Variants in NKAIN3 observed in about 807,000 individuals in gnomAD.
NKAIN3 encodes the protein sodium/potassium transporting ATPase interacting 3.
A neutral mutation model predicts 30.2 loss-of-function variants in NKAIN3; 25 were observed. The ratio of observed to expected loss-of-function variants is 0.83; its 90% CI spans 0.60 to 1.16. NKAIN3 has a LOEUF of 1.16. NKAIN3 is among the 50% of genes most tolerant of loss of function. The pLI, the probability that NKAIN3 is intolerant of heterozygous loss-of-function variation, is 0.00. For missense variants in NKAIN3, 225 were observed against 254.1 expected (o/e 0.89, Z 0.78); for synonymous variants, 91 against 89.6 (o/e 1.02, Z -0.09).
At chr8:62,342,235 C>CAAAAAAAAAAAAAA (rs3058285) in intron 1 of NKAIN3, among the ~76,000 whole-genome samples, 30 of 124,732 alleles carry the variant, frequency 2.4e-4, no homozygotes, top group African/African-American at 9.6e-4. Context: ...ACCACTGAAC[C>CAAAAAAAAAAAAAA]AAAAAAAAAA....
intron 3 of NKAIN3, among the ~76,000 whole-genome samples, chr8:62,596,091 G>T (rs1215151274): frequency 2.0e-5 from 3 of 151,880 alleles, no homozygotes; most frequent in African/African-American, 7.3e-5. Context: ...CCATCTGATG[G>T]GTACTATCAA....
At chr8:62,320,351 A>T (rs904059984) in intron 1 of NKAIN3, among the ~76,000 whole-genome samples, 1 of 152,046 alleles carries the variant, frequency 6.6e-6, no homozygotes, top group Non-Finnish European at 1.5e-5. Flanking sequence ...TAATATTGTT[A>T]TGTGTGTATT....
intron 6 of NKAIN3, among the ~76,000 whole-genome samples, chr8:62,956,891 G>A (rs1258474497): frequency 1.3e-5 from 2 of 152,184 alleles, no homozygotes. Context: ...GCGGGAGGGG[G>A]AATGGTTAAC....
intron 4 of NKAIN3, among the ~76,000 whole-genome samples, chr8:62,847,402 T>C (rs189462927): frequency 5.8e-4 from 88 of 152,294 alleles, no homozygotes; most frequent in South Asian, 2.5e-3. Flanking sequence ...TGGTATTTCA[T>C]TGCGGTTTTG....
intron 3 of NKAIN3, among the ~76,000 whole-genome samples, chr8:62,597,123 A>G (rs905683839): frequency 6.6e-6 from 1 of 152,050 alleles, no homozygotes; most frequent in Non-Finnish European, 1.5e-5. Flanking sequence ...CAGTTTCCTT[A>G]CTCAGGTATG....
At chr8:62,314,737 C>T (rs955591898) in intron 1 of NKAIN3, among the ~76,000 whole-genome samples, 40 of 152,134 alleles carry the variant, frequency 2.6e-4, no homozygotes, top group African/African-American at 7.2e-4. Flanking sequence ...GTGGTGTTTA[C>T]GTCTTTCTGA....
intron 4 of NKAIN3, chr8:62,856,888 C>T (rs970837799): frequency 5.1e-6 from 3 of 586,734 alleles, no homozygotes; most frequent in Admixed American, 2.3e-5. Context: ...ACTTTGGATA[C>T]ACTGGATGCT....
chr8:62,345,801 C>T (rs1815985794), intron 1 of NKAIN3, among the ~76,000 whole-genome samples: 1 of 151,662 alleles, frequency 6.6e-6, no homozygotes, highest in Non-Finnish European at 1.5e-5. Context: ...ACTTCCATTA[C>T]TGTGTTGAAG....
intron 1 of NKAIN3, among the ~76,000 whole-genome samples, chr8:62,267,381 T>C (rs1305647646): frequency 6.6e-6 from 1 of 152,204 alleles, no homozygotes; most frequent in East Asian, 1.9e-4. Context: ...TGGTAAAATT[T>C]CAGTGTTTTT....
At chr8:62,906,058 C>G (rs572278951) in intron 4 of NKAIN3, among the ~76,000 whole-genome samples, 1 of 152,274 alleles carries the variant, frequency 6.6e-6, no homozygotes, top group African/African-American at 2.4e-5. Context: ...GAAAACAGCA[C>G]AGAATTTCCT....
chr8:62,854,251 C>A (rs1294261212), intron 4 of NKAIN3, among the ~76,000 whole-genome samples: 1 of 152,136 alleles, frequency 6.6e-6, no homozygotes, highest in Non-Finnish European at 1.5e-5. Flanking sequence ...CCCTGAATAT[C>A]TTTGTTAATG....
chr8:62,904,995 C>A (rs776841069), intron 4 of NKAIN3, among the ~76,000 whole-genome samples: 2 of 152,008 alleles, frequency 1.3e-5, no homozygotes, highest in African/African-American at 2.4e-5. Flanking sequence ...GAGGGTAGTT[C>A]CTGCCTTCCA....
chr8:62,488,866 A>G (rs985615114), intron 1 of NKAIN3, among the ~76,000 whole-genome samples: 1 of 152,156 alleles, frequency 6.6e-6, no homozygotes, highest in Non-Finnish European at 1.5e-5. Flanking sequence ...CTATTGGTTC[A>G]ACTTTTGCTC....
In NKAIN3 at chr8:62,955,511, A is replaced by G. The variant is rs1316217539; in HGVS notation, c.603+1539A>G. Among the ~76,000 whole-genome samples the G allele has an allele frequency of 5.9e-5, 9 of 152,248 alleles. No homozygotes were observed. In the East Asian group the frequency reaches 1.7e-3, roughly 29 times the overall value. ...TTTGTTATGTGATAAGAGGATGATG[A>G]AGGGTTTCTTTCATCTCCACTGTGA... On this transcript the variant is annotated intron_variant, in intron 6 of 6. Coordinates refer to ENST00000623646, the MANE Select transcript of NKAIN3 (RefSeq NM_001304533.3).
chr8:62,518,966 G>A (rs553910966), intron 1 of NKAIN3, among the ~76,000 whole-genome samples: 2 of 152,194 alleles, frequency 1.3e-5, no homozygotes, highest in Admixed American at 6.5e-5. Context: ...TTTAGCACTC[G>A]AATTCTAATA....
rs1824142911 is a variant in NKAIN3 at position 62,983,827 on chromosome 8, C to T, written c.*18420C>T. ...CATTAAAAAGAGCACGTCTACAGCTCCTAACAATCAAAAACAACTATGAAC... is the reference window on the plus strand; with the variant it reads ...CATTAAAAAGAGCACGTCTACAGCTTCTAACAATCAAAAACAACTATGAAC... On this transcript the variant is annotated 3_prime_UTR_variant, in exon 7 of 7. Transcript: ENST00000623646. The T allele has an allele frequency of 6.6e-6, 1 of 152,200 alleles. No individual in the cohort carries two copies. Among genetic ancestry groups the T allele is most frequent in the Non-Finnish European group, 1.5e-5 (1 of 68,042 alleles). 9.4% of individuals were successfully genotyped at this position (152,200 alleles called of 1,614,324 possible). A position where few individuals can be genotyped will look rare whatever the true frequency, so the allele number is the denominator to read the frequency against.
At chr8:62,930,310 A>G (rs1822579850) in intron 5 of NKAIN3, among the ~76,000 whole-genome samples, 1 of 151,444 alleles carries the variant, frequency 6.6e-6, no homozygotes, top group African/African-American at 2.4e-5. Context: ...CTGGAGTGTG[A>G]TGGTGCGATC....
At chr8:62,457,379 T>C (rs763782306) in intron 1 of NKAIN3, among the ~76,000 whole-genome samples, 17 of 152,216 alleles carry the variant, frequency 1.1e-4, no homozygotes, top group Non-Finnish European at 2.1e-4. Context: ...CCTTGCAAAG[T>C]ATCAAGCTCT....
At chr8:62,605,683 C>G (rs1465579377) in intron 3 of NKAIN3, among the ~76,000 whole-genome samples, 1 of 151,924 alleles carries the variant, frequency 6.6e-6, no homozygotes, top group Non-Finnish European at 1.5e-5. Flanking sequence ...AGTATTTACA[C>G]TATATTAAGT....
Sources: gnomAD v4.1 joint callset for allele counts (sites outside exome capture counted in the v4.1 genomes callset) on GRCh38, gnomAD v4.1.1 for gene constraint, MANE v1.5 for transcripts, NCBI Gene and HGNC (gene_info 2026-07-23, HGNC 2026-07-21) for gene names.